ADGRG2: variants seen among roughly 807,000 people sequenced by gnomAD.
ADGRG2 encodes G protein-coupled receptor 64.
Under a neutral mutation model 74.1 loss-of-function variants are expected in ADGRG2, and 26 were observed. The ratio of observed to expected loss-of-function variants is 0.35; its 90% CI spans 0.26 to 0.49. ADGRG2 has a LOEUF of 0.49. ADGRG2 is among the 20% of genes least tolerant of loss of function. The pLI is 0.99. For missense variants in ADGRG2, 619 were observed against 763.1 expected, an observed-to-expected ratio of 0.81 and a Z score of 2.22; for synonymous variants, 296 against 295.2, an observed-to-expected ratio of 1.00 and a Z score of -0.03.
chrX:19,003,578 G>A (rs1420183284), intron 23 of ADGRG2, among the ~76,000 whole-genome samples: 1 of 111,247 alleles, frequency 9.0e-6, no homozygotes, highest in Non-Finnish European at 1.9e-5. Context: ...ATGGGGTGGG[G>A]GGGAGCTTAA....
At chrX:19,024,947 T>A (rs2146656732) in intron 11 of ADGRG2, among the ~76,000 whole-genome samples, 1 of 111,816 alleles carries the variant, frequency 8.9e-6, no homozygotes, top group African/African-American at 3.2e-5. Context: ...CATGCCTGGC[T>A]AATTTTTTGT....
At chrX:19,115,745 C>G (rs1453574239) in intron 1 of ADGRG2, among the ~76,000 whole-genome samples, 1 of 110,648 alleles carries the variant, frequency 9.0e-6, no homozygotes, top group Non-Finnish European at 1.9e-5. Flanking sequence ...TCACTTGAGG[C>G]TAGGAGTTCA....
intron 1 of ADGRG2, among the ~76,000 whole-genome samples, chrX:19,101,160 C>A (rs1258687094): frequency 9.3e-6 from 1 of 107,524 alleles, no homozygotes; most frequent in Non-Finnish European, 1.9e-5. Flanking sequence ...CTGCTCTTCC[C>A]CCACCCTGGC....
At chrX:19,039,754 T>C (rs1006946465) in intron 4 of ADGRG2, among the ~76,000 whole-genome samples, 2 of 112,044 alleles carry the variant, frequency 1.8e-5, no homozygotes, top group Non-Finnish European at 3.8e-5. Flanking sequence ...TGGTGAGTGC[T>C]GGGCCCTTAG....
chrX:19,029,231 A>G (rs1254082347), intron 9 of ADGRG2, among the ~76,000 whole-genome samples: 2 of 111,804 alleles, frequency 1.8e-5, no homozygotes, highest in Non-Finnish European at 3.8e-5. Flanking sequence ...CAATTCATAC[A>G]GTATGTAATT....
intron 4 of ADGRG2, among the ~76,000 whole-genome samples, chrX:19,039,831 T>C (rs1032642223): frequency 8.9e-5 from 10 of 112,085 alleles, no homozygotes; most frequent in Non-Finnish European, 1.5e-4. Flanking sequence ...ACATCTCATC[T>C]CATCTCCTCC....
intron 23 of ADGRG2, among the ~76,000 whole-genome samples, chrX:19,004,283 T>C (rs1387060876): frequency 8.9e-6 from 1 of 112,608 alleles, no homozygotes; most frequent in Non-Finnish European, 1.9e-5. Context: ...GCTGCAGAGC[T>C]ACACTCACTG....
At position 18,990,792 on chromosome X, in the gene ADGRG2, C is replaced by T. The variant is rs762703245; in HGVS notation, c.*72G>A. 1 of 751,025 alleles carries T rather than the reference C, an allele frequency of 1.3e-6. No homozygotes were observed. Among genetic ancestry groups the T allele is most frequent in the Non-Finnish European group, 1.9e-6 (1 of 521,983 alleles). 61.9% of individuals were successfully genotyped at this position (751,025 alleles called of 1,213,427 possible). A position where few individuals can be genotyped will look rare whatever the true frequency, so the allele number is the denominator to read the frequency against. On this transcript the variant is annotated 3_prime_UTR_variant, in exon 29 of 29. Coordinates refer to ENST00000379869, the MANE Select transcript of ADGRG2 (RefSeq NM_001079858.3). Reference sequence around the variant, plus strand: ...AAAATGAGTTGATTTTCATACATCTCACATTGTGTAAAAGGTAAAATTGGA... The same window carrying T: ...AAAATGAGTTGATTTTCATACATCTTACATTGTGTAAAAGGTAAAATTGGA...
intron 11 of ADGRG2, among the ~76,000 whole-genome samples, chrX:19,025,546 T>G (rs1485213799): frequency 9.0e-6 from 1 of 110,755 alleles, no homozygotes; most frequent in African/African-American, 3.3e-5. Flanking sequence ...GTCTAGTAAT[T>G]AAGAGTAATT....
chrX:19,025,778 C>G (rs1446419185), intron 11 of ADGRG2, among the ~76,000 whole-genome samples: 1 of 109,771 alleles, frequency 9.1e-6, no homozygotes, highest in Non-Finnish European at 1.9e-5. Context: ...GCCTGTAATC[C>G]CAGCTACTCG....
At chrX:19,004,623 A>G in intron 23 of ADGRG2, 135 bp downstream of exon 23, 1 of 566,372 alleles carries the variant, frequency 1.8e-6, no homozygotes, top group Non-Finnish European at 2.8e-6. Context: ...CAAGTCCCAT[A>G]AAGTTGATAC....
intron 16 of ADGRG2, among the ~76,000 whole-genome samples, chrX:19,013,432 C>T (rs1005008516): frequency 1.8e-5 from 2 of 111,642 alleles, no homozygotes; most frequent in South Asian, 3.8e-4. Context: ...TGAAAGATAC[C>T]GATACCTGGG....
chrX:19,032,636 T>C (rs1162905699), intron 8 of ADGRG2: 1 of 111,817 alleles, frequency 8.9e-6, no homozygotes, highest in Non-Finnish European at 1.9e-5. Context: ...CCTTAAATCA[T>C]GAGTGAGAAA....
At chrX:19,034,876 G>A (rs1453841748) in intron 7 of ADGRG2, 1 of 110,203 alleles carries the variant, frequency 9.1e-6, no homozygotes, top group African/African-American at 3.3e-5. Flanking sequence ...GGAGCTTGCA[G>A]TGAGCCAAGA....
chrX:19,091,492 T>TCACACACACACACACACA (rs57540002), intron 1 of ADGRG2, among the ~76,000 whole-genome samples: 1 of 82,638 alleles, frequency 1.2e-5, no homozygotes, highest in Admixed American at 1.4e-4. Flanking sequence ...AGATTTTATG[T>TCACACACACACACACACA]CACACACACA....
intron 3 of ADGRG2, among the ~76,000 whole-genome samples, chrX:19,064,352 T>G (rs1387133937): frequency 8.9e-6 from 1 of 112,829 alleles, no homozygotes; most frequent in Non-Finnish European, 1.9e-5. Flanking sequence ...TAGTTTGTAT[T>G]GTTCTCATGC....
intron 1 of ADGRG2, among the ~76,000 whole-genome samples, chrX:19,084,850 GCA>G (rs2061913393): frequency 8.9e-6 from 1 of 112,288 alleles, no homozygotes; most frequent in Non-Finnish European, 1.9e-5. Context: ...AGTAGGGCAA[GCA>G]ACATGACATT....
At chrX:19,010,547 A>C (rs1440827846) in intron 17 of ADGRG2, 66 bp downstream of exon 17, 1 of 904,082 alleles carries the variant, frequency 1.1e-6, no homozygotes, top group African/African-American at 2.0e-5. Flanking sequence ...GATATTAATC[A>C]TGTGAGCAGC....
intron 3 of ADGRG2, among the ~76,000 whole-genome samples, chrX:19,043,431 A>G (rs937530255): frequency 4.5e-5 from 5 of 112,028 alleles, no homozygotes; most frequent in African/African-American, 6.5e-5. Context: ...GAGACAAAAC[A>G]TTTCCATTGT....
Sources: gnomAD v4.1 joint callset for allele counts (sites outside exome capture counted in the v4.1 genomes callset) on GRCh38, gnomAD v4.1.1 for gene constraint, MANE v1.5 for transcripts, NCBI Gene and HGNC (gene_info 2026-07-23, HGNC 2026-07-21) for gene names.